Variants in SMARCC1 observed in about 807,000 individuals in gnomAD.
SMARCC1 encodes the protein SWI/SNF complex subunit SMARCC1.
In SMARCC1, 43 loss-of-function variants were observed where a neutral mutation model predicts 147.4. The ratio of observed to expected loss-of-function variants is 0.29; its 90% CI spans 0.23 to 0.38. SMARCC1 has a LOEUF of 0.38. Ranked by LOEUF, SMARCC1 falls within the 10% of genes least tolerant of loss-of-function variation. SMARCC1 has a pLI of 1.00. For missense variants in SMARCC1, 1,119 were observed against 1,381.1 expected (o/e 0.81, Z 3.01); for synonymous variants, 495 against 484.4 (o/e 1.02, Z -0.29).
intron 21 of SMARCC1, among the ~76,000 whole-genome samples, chr3:47,659,026 G>A (rs28798409): frequency 0.016 from 2,447 of 150,544 alleles, 60 homozygotes; most frequent in African/African-American, 0.047. Flanking sequence ...GCTGAGCAGG[G>A]AGAATTGCTT....
At chr3:47,760,743 G>A (rs1323659759) in intron 2 of SMARCC1, among the ~76,000 whole-genome samples, 1 of 152,192 alleles carries the variant, frequency 6.6e-6, no homozygotes, top group Non-Finnish European at 1.5e-5. Context: ...AGCAATCCCA[G>A]TACTTTGGAA....
chr3:47,627,428 T>C (rs139326455), intron 24 of SMARCC1, among the ~76,000 whole-genome samples: 59 of 152,180 alleles, frequency 3.9e-4, no homozygotes, highest in Non-Finnish European at 4.7e-4. Context: ...TAGAAGAGCA[T>C]TGAAGTAAAG....
At chr3:47,698,983 G>A (rs2033886605) in intron 11 of SMARCC1, among the ~76,000 whole-genome samples, 1 of 152,070 alleles carries the variant, frequency 6.6e-6, no homozygotes, top group Non-Finnish European at 1.5e-5. Context: ...ATACCTATGT[G>A]GGGAATAAAA....
chr3:47,635,386 C>T (rs769444007), intron 23 of SMARCC1, 42 bp from the exon 24 acceptor site: 6 of 1,571,122 alleles, frequency 3.8e-6, no homozygotes, highest in African/African-American at 2.8e-5. Context: ...TGCCCACTCT[C>T]GAAAACCCAT....
chr3:47,598,460 T>C (rs1178426251), intron 26 of SMARCC1, among the ~76,000 whole-genome samples: 1 of 152,082 alleles, frequency 6.6e-6, no homozygotes, highest in Non-Finnish European at 1.5e-5. Flanking sequence ...AGGAAGAACA[T>C]ATTGCCGCCC....
intron 3 of SMARCC1, 73 bp from the exon 4 acceptor site, chr3:47,738,183 C>G (rs1045927743): frequency 2.2e-6 from 2 of 908,610 alleles, no homozygotes; most frequent in Admixed American, 2.9e-5. Flanking sequence ...TTTTAGAATT[C>G]GATGCAAATG....
At chr3:47,591,200 G>T (rs900334649) in intron 26 of SMARCC1, among the ~76,000 whole-genome samples, 40 of 152,156 alleles carry the variant, frequency 2.6e-4, no homozygotes, top group African/African-American at 9.4e-4. Flanking sequence ...AGCCCACAGG[G>T]AATGAAGTGG....
At chr3:47,733,990 T>TATGTATGTATATACATATGTATAC (rs1303765889) in intron 5 of SMARCC1, among the ~76,000 whole-genome samples, 1 of 151,808 alleles carries the variant, frequency 6.6e-6, no homozygotes, top group African/African-American at 2.4e-5. Flanking sequence ...TATATATACA[T>TATGTATGTATATACATATGTATAC]ATGTATGTAT....
Position 47,781,884 on chromosome 3 carries a change from A to T in SMARCC1, c.-87T>A, listed in dbSNP as rs2106888715. 1.1e-6 allele frequency: 1 copy of T among 921,740 alleles called. No individual in the cohort carries two copies. The highest frequency in any genetic ancestry group is 4.1e-5 in the South Asian group (1 of 24,300). 57.1% of individuals were successfully genotyped at this position (921,740 alleles called of 1,614,324 possible). A position where few individuals can be genotyped will look rare whatever the true frequency, so the allele number is the denominator to read the frequency against. ...TTCCCGCGCGCACCCCCGCGCGCGTAGCCGCCACTGCCGCTTCCCGGCCCC... is the reference window on the plus strand; with the variant it reads ...TTCCCGCGCGCACCCCCGCGCGCGTTGCCGCCACTGCCGCTTCCCGGCCCC... On this transcript the variant is annotated 5_prime_UTR_variant, in exon 1 of 28. Transcript: ENST00000254480.
At chr3:47,702,070 AT>A (rs1174036701) in intron 10 of SMARCC1, among the ~76,000 whole-genome samples, 2 of 152,270 alleles carry the variant, frequency 1.3e-5, no homozygotes, top group South Asian at 2.1e-4. Flanking sequence ...GATACGTACC[AT>A]TGTGTTTTAA....
At position 47,733,453 on chromosome 3, in the gene SMARCC1, T is replaced by C. The variant is rs958811247; in HGVS notation, c.576+2581A>G. ...AGCCAGGGGCAGTGGAGCACACCTGTTGTTAAAAAAAGAACAAGAAGGCCG... is the reference window on the plus strand; with the variant it reads ...AGCCAGGGGCAGTGGAGCACACCTGCTGTTAAAAAAAGAACAAGAAGGCCG... On this transcript the variant is annotated intron_variant, in intron 5 of 27. Transcript: ENST00000254480. Among the ~76,000 whole-genome samples the C allele has an allele frequency of 4.6e-5, 7 of 151,894 alleles. 1 individual carries two copies. The highest frequency in any genetic ancestry group is 1.2e-4 in the African/African-American group (5 of 41,352).
At chr3:47,741,335 A>G (rs1012199362) in intron 3 of SMARCC1, among the ~76,000 whole-genome samples, 2 of 137,070 alleles carry the variant, frequency 1.5e-5, no homozygotes, top group African/African-American at 2.6e-5. Context: ...CATTTATGAG[A>G]TAAGGGAAAT....
chr3:47,719,580 T>C (rs2034204913), intron 7 of SMARCC1, among the ~76,000 whole-genome samples: 1 of 151,748 alleles, frequency 6.6e-6, no homozygotes, highest in South Asian at 2.1e-4. Context: ...GGGGCATCTG[T>C]AATCCCAGCT....
intron 26 of SMARCC1, among the ~76,000 whole-genome samples, chr3:47,598,223 C>T (rs146314553): frequency 6.6e-6 from 1 of 152,124 alleles, no homozygotes; most frequent in Non-Finnish European, 1.5e-5. Context: ...TTCTAGGTGG[C>T]GTGAAGGACA....
In SMARCC1 at chr3:47,675,319, A is replaced by G. The variant is rs2033555180; in HGVS notation, c.1839+156T>C. ...TTTCTCTAATAGTGTTATTTTTAAA[A>G]TACCTATCTACTAAGTCATATAGGA... On this transcript the variant is annotated intron_variant, in intron 18 of 27. Transcript: ENST00000254480. Among the ~76,000 whole-genome samples, 3 of 152,214 alleles carry G rather than the reference A, an allele frequency of 2.0e-5. No individual in the cohort carries two copies. In the South Asian group the frequency reaches 6.2e-4, roughly 32 times the overall value.
intron 2 of SMARCC1, among the ~76,000 whole-genome samples, chr3:47,754,927 C>T (rs1490669949): frequency 6.6e-6 from 1 of 152,062 alleles, no homozygotes; most frequent in Non-Finnish European, 1.5e-5. Context: ...CTTGTAATCC[C>T]AGCTACTTGG....
At chr3:47,643,475 C>A (rs2033075369) in intron 21 of SMARCC1, among the ~76,000 whole-genome samples, 1 of 150,984 alleles carries the variant, frequency 6.6e-6, no homozygotes, top group Admixed American at 6.6e-5. Context: ...TGGCTACATG[C>A]ATAATGTAAC....
At chr3:47,662,172 A>T (rs1356222545) in intron 20 of SMARCC1, among the ~76,000 whole-genome samples, 162 bp downstream of exon 20, 1 of 152,130 alleles carries the variant, frequency 6.6e-6, no homozygotes, top group Non-Finnish European at 1.5e-5. Flanking sequence ...TTTGGTGTCC[A>T]GCCAAATATT....
intron 7 of SMARCC1, among the ~76,000 whole-genome samples, chr3:47,716,204 A>G (rs1002896539): frequency 2.0e-5 from 3 of 151,730 alleles, no homozygotes; most frequent in African/African-American, 7.3e-5. Flanking sequence ...CACCTGAAGT[A>G]TAAGGAGTTC....
Sources: gnomAD v4.1 joint callset for allele counts (sites outside exome capture counted in the v4.1 genomes callset) on GRCh38, gnomAD v4.1.1 for gene constraint, MANE v1.5 for transcripts, NCBI Gene and HGNC (gene_info 2026-07-23, HGNC 2026-07-21) for gene names.